The following MAGED1 variants were observed in gnomAD, a reference collection of about 807,000 sequenced individuals.
The protein encoded by MAGED1 is MAGE family member D1, also known as melanoma-associated antigen D1.
A neutral mutation model predicts 54.1 loss-of-function variants in MAGED1; 3 were observed. The ratio of observed to expected loss-of-function variants is 0.06; its 90% confidence interval spans 0.03 to 0.14. MAGED1 has a LOEUF of 0.14. Among genes scored for constraint, MAGED1 ranks in the 10% least tolerant of loss-of-function variants. The probability of loss-of-function intolerance (pLI) is 1.00; values close to 1 mark genes in which losing one functional copy is unlikely to be tolerated. For missense variants in MAGED1, 485 were observed against 623.4 expected (o/e 0.78, Z 2.36); for synonymous variants, 217 against 227.3 (o/e 0.95, Z 0.41).
chrX:51,882,742 G>A (rs1557362591), intron 1 of MAGED1, among the ~76,000 whole-genome samples: 1 of 111,293 alleles, frequency 9.0e-6, no homozygotes, highest in East Asian at 2.8e-4. Context: ...CCAGGCTGGA[G>A]TGCAGTGGTG....
chrX:51,835,306 A>C (rs1557357825), intron 1 of MAGED1, among the ~76,000 whole-genome samples: 2 of 111,478 alleles, frequency 1.8e-5, no homozygotes, highest in African/African-American at 6.5e-5. Flanking sequence ...ACAGTTCGGC[A>C]AAATCATCTA....
At chrX:51,852,908 T>G (rs111966836) in intron 1 of MAGED1, among the ~76,000 whole-genome samples, 48 of 112,010 alleles carry the variant, frequency 4.3e-4, no homozygotes, top group African/African-American at 1.5e-3. Flanking sequence ...AGGATTTTAT[T>G]ACCAATGAAA....
chrX:51,895,609 A>G lies in MAGED1; in HGVS notation c.602A>G (p.Asn201Ser). 8.3e-7 allele frequency: 1 copy of G among 1,211,685 alleles called. No homozygotes were observed. The highest frequency in any genetic ancestry group is 1.1e-6 in the Non-Finnish European group (1 of 895,511). The change falls in exon 3 of 13, where the codon AAT becomes AGT. Residue 201 changes from asparagine (N) to serine (S), a missense_variant. By Grantham distance (46) the Asn-to-Ser change is conservative. This residue lies in a region of MAGED1 where 299 missense variants were observed against 293.1 expected (regional missense o/e 1.02). Transcript: ENST00000326587. ...GCTGATACCCAGACCCAGAATGTAA[A>G]TCAGGCCAAAATGGCCACTTCCCAG... is the stretch of plus-strand genomic sequence containing the variant. ...PTADTQTQNV[N>S]QAKMATSQAD...
intron 1 of MAGED1, among the ~76,000 whole-genome samples, chrX:51,841,827 T>C (rs1315739247): frequency 1.8e-5 from 2 of 112,261 alleles, no homozygotes; most frequent in Non-Finnish European, 3.8e-5. Context: ...CGTGCTGTTT[T>C]GGTTACTGTA....
intron 1 of MAGED1, among the ~76,000 whole-genome samples, chrX:51,869,170 G>A (rs1557361309): frequency 1.8e-5 from 2 of 111,329 alleles, no homozygotes; most frequent in South Asian, 3.8e-4. Flanking sequence ...ATGATAGTGG[G>A]TGTGGCTAGA....
At chrX:51,897,954 G>C (rs1274912562) in intron 7 of MAGED1, 68 bp downstream of exon 7, 6 of 956,246 alleles carry the variant, frequency 6.3e-6, no homozygotes, top group South Asian at 2.1e-5. Context: ...GTTTCACGTA[G>C]ATCAGGGTCC....
At chrX:51,869,801 C>T (rs1405577279) in intron 1 of MAGED1, among the ~76,000 whole-genome samples, 1 of 111,079 alleles carries the variant, frequency 9.0e-6, no homozygotes, top group Admixed American at 9.5e-5. Flanking sequence ...ACCCAGGAGG[C>T]GGAGATTGCA....
chrX:51,889,482 T>A (rs1928357109), upstream of MAGED1, among the ~76,000 whole-genome samples: 1 of 107,363 alleles, frequency 9.3e-6, no homozygotes, highest in East Asian at 2.9e-4. Context: ...AGAAAAATTA[T>A]CCGGGCGTGG....
intron 1 of MAGED1, among the ~76,000 whole-genome samples, chrX:51,844,865 G>A (rs782620085): frequency 7.2e-5 from 8 of 111,486 alleles, no homozygotes; most frequent in Admixed American, 2.9e-4. Flanking sequence ...GACTGAAAGG[G>A]ACAGAGAGAG....
chrX:51,805,481 TA>T lies in MAGED1; in HGVS notation c.-37+2365del, dbSNP rs782650225. On this transcript the variant is annotated intron_variant, in intron 1 of 12. Transcript: ENST00000375772. ...CTGTTTCTTAATGAGAAATAAAAAA[TA>T]TACAGAATATTTTATTATTTTATAA... Among the ~76,000 whole-genome samples the T allele has an allele frequency of 5.4e-5, 6 of 110,304 alleles. No homozygotes were observed. The South Asian group carries it at 2.3e-3, about 43-fold the overall frequency.
intron 1 of MAGED1, among the ~76,000 whole-genome samples, chrX:51,882,610 A>C (rs1470067733): frequency 2.2e-4 from 16 of 73,559 alleles, no homozygotes; most frequent in Admixed American, 1.6e-3. Flanking sequence ...GGGCACAGAC[A>C]AAAAAAAAAA....
chrX:51,893,294 G>A (rs1040307627), upstream of MAGED1, among the ~76,000 whole-genome samples: 2 of 109,546 alleles, frequency 1.8e-5, no homozygotes, highest in Non-Finnish European at 3.8e-5. Flanking sequence ...CTTGAATAGG[G>A]GAGGGACGGA....
chrX:51,896,187 AGAG>A lies in MAGED1; in HGVS notation c.754-218_754-216del, dbSNP rs782096327. 35 of 426,504 alleles carry A rather than the reference AGAG, an allele frequency of 8.2e-5. No homozygotes were observed. The East Asian group carries it at 1.3e-3, about 16-fold the overall frequency. 35.1% of individuals were successfully genotyped at this position (426,504 alleles called of 1,213,427 possible). ...GGCAGAACCAGTGGTGGACATAGGA[AGAG>A]GAGAAGCCTCAGGCCCCATCTTTGG... On this transcript the variant is annotated intron_variant, in intron 3 of 12. Coordinates refer to ENST00000326587, the MANE Select transcript of MAGED1 (RefSeq NM_006986.4).
At chrX:51,893,152 A>G (rs1358726460), upstream of MAGED1, among the ~76,000 whole-genome samples, 8 of 110,585 alleles carry the variant, frequency 7.2e-5, no homozygotes, top group Non-Finnish European at 1.1e-4. Flanking sequence ...GTTAGCTCCA[A>G]TAGTGTATCC....
chrX:51,842,836 C>T (rs1411959352), intron 1 of MAGED1, among the ~76,000 whole-genome samples: 1 of 109,315 alleles, frequency 9.1e-6, no homozygotes, highest in Non-Finnish European at 1.9e-5. Context: ...CAGGTGCGCA[C>T]CACCATGGCT....
chrX:51,841,668 C>A (rs1466246066), intron 1 of MAGED1, among the ~76,000 whole-genome samples: 1 of 111,535 alleles, frequency 9.0e-6, no homozygotes, highest in Admixed American at 9.5e-5. Flanking sequence ...AGCCAGTTTT[C>A]CCAGCACCAT....
chrX:51,818,592 T>A (rs1557356265), intron 1 of MAGED1, among the ~76,000 whole-genome samples: 1 of 112,242 alleles, frequency 8.9e-6, no homozygotes, highest in East Asian at 2.8e-4. Flanking sequence ...CAATGGAGTT[T>A]GCTGGAGAGC....
intron 1 of MAGED1, among the ~76,000 whole-genome samples, chrX:51,820,122 CATCAGTCTAT>C (rs1370538121): frequency 1.8e-5 from 2 of 111,798 alleles, no homozygotes; most frequent in African/African-American, 6.5e-5. Context: ...CAATTCTGTT[CATCAGTCTAT>C]ATGTCTACAA....
chrX:51,892,703 C>T (rs1557363614), upstream of MAGED1, among the ~76,000 whole-genome samples: 3 of 111,293 alleles, frequency 2.7e-5, no homozygotes, highest in Non-Finnish European at 5.7e-5. Context: ...AATGGGGTGC[C>T]GTGGTCTGTT....
Sources: allele counts gnomAD v4.1 joint callset (sites outside exome capture counted in the v4.1 genomes callset), GRCh38; gene constraint gnomAD v4.1.1; regional missense constraint gnomAD v4.1.1; transcripts MANE v1.5; gene names NCBI Gene and HGNC (gene_info 2026-07-23, HGNC 2026-07-21).